DGKI: variants seen among roughly 807,000 people sequenced by gnomAD.
DGKI encodes DAG kinase iota.
Under a neutral mutation model 147.5 loss-of-function variants are expected in DGKI, and 55 were observed. The ratio of observed to expected loss-of-function variants is 0.37; its 90% confidence interval spans 0.30 to 0.47. DGKI has a LOEUF of 0.47. Ranked by LOEUF, DGKI falls within the 20% of genes least tolerant of loss-of-function variation. The pLI, the probability that DGKI is intolerant of heterozygous loss-of-function variation, is 1.00. For synonymous variants in DGKI, 469 were observed against 477.1 expected (o/e 0.98, Z 0.22); for missense variants, 1,007 against 1,323.8 (o/e 0.76, Z 3.71).
intron 1 of DGKI, among the ~76,000 whole-genome samples, chr7:137,741,021 T>G (rs1795158517): frequency 6.6e-6 from 1 of 152,190 alleles, no homozygotes; most frequent in Admixed American, 6.5e-5. Flanking sequence ...AATTTTTTTT[T>G]TATTATTTTG....
intron 1 of DGKI, chr7:137,722,887 G>C: frequency 1.9e-6 from 1 of 526,676 alleles, no homozygotes; most frequent in Non-Finnish European, 2.8e-6. Flanking sequence ...AGTTGACTAC[G>C]TTAAAAAAAA....
At chr7:137,547,738 A>G (rs926630068) in intron 20 of DGKI, among the ~76,000 whole-genome samples, 4 of 152,208 alleles carry the variant, frequency 2.6e-5, no homozygotes, top group Non-Finnish European at 5.9e-5. Context: ...GGAGTGAATC[A>G]ATGATTACAC....
At chr7:137,520,496 A>G (rs1228350466) in intron 21 of DGKI, among the ~76,000 whole-genome samples, 1 of 152,074 alleles carries the variant, frequency 6.6e-6, no homozygotes, top group African/African-American at 2.4e-5. Flanking sequence ...TATGTTGTTT[A>G]CAGAAGGAAG....
At chr7:137,554,511 C>G (rs1285469546) in intron 19 of DGKI, among the ~76,000 whole-genome samples, 1 of 152,144 alleles carries the variant, frequency 6.6e-6, no homozygotes, top group Non-Finnish European at 1.5e-5. Context: ...GCATTCATTG[C>G]CATTTATTGA....
At chr7:137,514,755 C>T (rs1352711731) in intron 21 of DGKI, among the ~76,000 whole-genome samples, 3 of 152,174 alleles carry the variant, frequency 2.0e-5, no homozygotes, top group Non-Finnish European at 2.9e-5. Context: ...CCAACTGATT[C>T]TCTCCAACTC....
At position 137,496,205 on chromosome 7, in the gene DGKI, C is replaced by T. The variant is rs867525887; in HGVS notation, c.2249-8516G>A. Among the ~76,000 whole-genome samples, 12 of 152,156 alleles carry T rather than the reference C, an allele frequency of 7.9e-5. No homozygotes were observed. The South Asian group carries it at 2.3e-3, about 29-fold the overall frequency. ...ACAAAATAAAAAACACAATCCTATT[C>T]ACAATAGCCACAAACAAAATAAAAT... On this transcript the variant is annotated intron_variant, in intron 21 of 32. Coordinates refer to ENST00000614521, the MANE Select transcript of DGKI (RefSeq NM_001321708.2).
rs1798143928 is a variant in DGKI, at chr7:137,828,978, T to C, written c.401+17484A>G. Among the ~76,000 whole-genome samples, 8 of 152,324 alleles carry C rather than the reference T, an allele frequency of 5.3e-5. No homozygotes were observed. In the South Asian group the frequency reaches 1.5e-3, roughly 28 times the overall value. ...AGTTCATATCCTTCATCTTGAATGATCCTCTTACCCAAATTTTAGGAATTA... is the reference window on the plus strand; with the variant it reads ...AGTTCATATCCTTCATCTTGAATGACCCTCTTACCCAAATTTTAGGAATTA... On this transcript the variant is annotated intron_variant, in intron 1 of 32. Coordinates refer to ENST00000614521, the MANE Select transcript of DGKI (RefSeq NM_001321708.2).
intron 6 of DGKI, among the ~76,000 whole-genome samples, chr7:137,640,199 T>A (rs910480086): frequency 3.9e-5 from 6 of 152,010 alleles, no homozygotes; most frequent in African/African-American, 1.5e-4. Context: ...CCAGGACGAA[T>A]CTATAGGATA....
chr7:137,545,837 A>G (rs966034628), intron 20 of DGKI: 7 of 673,816 alleles, frequency 1.0e-5, no homozygotes, highest in Non-Finnish European at 1.9e-5. Context: ...GGACACAGGT[A>G]GTCCAACCCT....
intron 7 of DGKI, 76 bp downstream of exon 7, chr7:137,623,407 G>T: frequency 7.2e-7 from 1 of 1,391,158 alleles, no homozygotes; most frequent in Non-Finnish European, 1.0e-6. Flanking sequence ...TACTTCCAGG[G>T]AGAAACTCAA....
chr7:137,539,190 A>G (rs1467743980), intron 20 of DGKI, among the ~76,000 whole-genome samples: 2 of 152,220 alleles, frequency 1.3e-5, no homozygotes, highest in African/African-American at 4.8e-5. Flanking sequence ...TGTGACGCCA[A>G]GAGAGTGGCA....
intron 3 of DGKI, among the ~76,000 whole-genome samples, chr7:137,671,669 C>A (rs60053545): frequency 0.041 from 6,270 of 152,278 alleles, 379 homozygotes; most frequent in African/African-American, 0.14. Flanking sequence ...TTATCTAGAT[C>A]TTTTTGTCTC....
intron 10 of DGKI, among the ~76,000 whole-genome samples, chr7:137,603,498 G>A (rs1820067445): frequency 6.6e-6 from 1 of 152,178 alleles, no homozygotes; most frequent in Admixed American, 6.6e-5. Context: ...TCATTTATTT[G>A]ATAAATACGT....
chr7:137,427,756 G>C (rs189061925), intron 28 of DGKI, among the ~76,000 whole-genome samples: 2,730 of 152,234 alleles, frequency 0.018, 84 homozygotes, highest in African/African-American at 0.062. Context: ...ACTACCATCA[G>C]AGAATACTAC....
At chr7:137,568,918 T>C (rs755628615) in intron 19 of DGKI, among the ~76,000 whole-genome samples, 1 of 145,980 alleles carries the variant, frequency 6.9e-6, no homozygotes, top group Non-Finnish European at 1.5e-5. Flanking sequence ...ATACAATTGT[T>C]AGAAAAAAAA....
At chr7:137,806,731 C>A (rs530178906) in intron 1 of DGKI, among the ~76,000 whole-genome samples, 42 of 152,330 alleles carry the variant, frequency 2.8e-4, no homozygotes, top group African/African-American at 9.9e-4. Context: ...CCGCACCCGG[C>A]CTGAACCTCT....
At chr7:137,842,546 C>T (rs1400865413) in intron 1 of DGKI, among the ~76,000 whole-genome samples, 1 of 152,204 alleles carries the variant, frequency 6.6e-6, no homozygotes, top group Non-Finnish European at 1.5e-5. Flanking sequence ...CCCAGACATA[C>T]TGACAAGCAA....
chr7:137,422,473 T>C (rs10266012), intron 28 of DGKI, among the ~76,000 whole-genome samples: 2,428 of 152,172 alleles, frequency 0.016, 65 homozygotes, highest in African/African-American at 0.055. Flanking sequence ...TAGAAAAATA[T>C]AAATTCATTT....
chr7:137,801,333 A>G (rs553643289), intron 1 of DGKI, among the ~76,000 whole-genome samples: 1 of 152,082 alleles, frequency 6.6e-6, no homozygotes, highest in Non-Finnish European at 1.5e-5. Flanking sequence ...CTAGAAAGAG[A>G]AAAAAAAGAT....
Sources: allele counts gnomAD v4.1 joint callset (sites outside exome capture counted in the v4.1 genomes callset), GRCh38; gene constraint gnomAD v4.1.1; transcripts MANE v1.5; gene names NCBI Gene and HGNC (gene_info 2026-07-23, HGNC 2026-07-21).